The following LAPTM4B variants were observed in gnomAD, a reference collection of about 807,000 sequenced individuals.
LAPTM4B encodes lysosomal-associated transmembrane protein 4B.
In LAPTM4B, 26 loss-of-function variants were observed where a neutral mutation model predicts 28.5. That is an observed-to-expected ratio of 0.91 (90% confidence interval 0.67 to 1.27). The LOEUF (loss-of-function observed/expected upper bound fraction) is 1.27. Ranked by LOEUF, LAPTM4B falls within the 50% of genes most tolerant of loss-of-function variation. LAPTM4B has a pLI of 0.00. For synonymous variants in LAPTM4B, 109 were observed against 106.4 expected (o/e 1.02, Z -0.15); for missense variants, 288 against 285.8 (o/e 1.01, Z -0.06).
chr8:97,777,544 CTG>C (rs1391583205), intron 1 of LAPTM4B, among the ~76,000 whole-genome samples: 2 of 152,030 alleles, frequency 1.3e-5, no homozygotes, highest in Non-Finnish European at 2.9e-5. Flanking sequence ...TTTTGTCTAA[CTG>C]TGAACCCCTT....
intron 6 of LAPTM4B, among the ~76,000 whole-genome samples, chr8:97,840,845 C>A (rs1817336339): frequency 7.1e-6 from 1 of 141,032 alleles, no homozygotes; most frequent in Admixed American, 7.0e-5. Flanking sequence ...GGCGGCCGGG[C>A]AGAGGCGCTC....
At chr8:97,810,518 G>A (rs1586330825) in intron 2 of LAPTM4B, among the ~76,000 whole-genome samples, 1 of 152,304 alleles carries the variant, frequency 6.6e-6, no homozygotes, top group South Asian at 2.1e-4. Flanking sequence ...TTTCCTATAT[G>A]TCTAAAATGA....
At chr8:97,837,125 C>T (rs981330733) in intron 6 of LAPTM4B, among the ~76,000 whole-genome samples, 1 of 151,006 alleles carries the variant, frequency 6.6e-6, no homozygotes, top group Non-Finnish European at 1.5e-5. Context: ...GGAGTGGAGT[C>T]AGATTTAGTA....
At chr8:97,779,802 C>A in intron 1 of LAPTM4B, among the ~76,000 whole-genome samples, 1 of 150,704 alleles carries the variant, frequency 6.6e-6, no homozygotes. Flanking sequence ...GCCTATAATC[C>A]CAGCACTTTG....
At chr8:97,776,241 C>A in intron 1 of LAPTM4B, 133 bp downstream of exon 1, 1 of 1,122,810 alleles carries the variant, frequency 8.9e-7, no homozygotes, top group Non-Finnish European at 1.2e-6. Flanking sequence ...CTTAATTCTC[C>A]GGGTGCCGCG....
At chr8:97,805,331 T>TTG in intron 1 of LAPTM4B, 22 bp from the exon 2 acceptor site, 2 of 1,113,756 alleles carry the variant, frequency 1.8e-6, no homozygotes, top group South Asian at 1.4e-5. Flanking sequence ...ATTCTTTTTT[T>TTG]TTTTTTTTTT....
At chr8:97,846,407 A>G (rs1817435431) in intron 6 of LAPTM4B, among the ~76,000 whole-genome samples, 1 of 150,042 alleles carries the variant, frequency 6.7e-6, no homozygotes, top group African/African-American at 2.5e-5. Flanking sequence ...AGCTCACCAC[A>G]GCCACCGCCT....
chr8:97,827,121 C>T (rs1464786494), intron 6 of LAPTM4B, among the ~76,000 whole-genome samples: 3 of 152,130 alleles, frequency 2.0e-5, no homozygotes, highest in African/African-American at 7.2e-5. Flanking sequence ...AAAGAGGAGG[C>T]GATACATAGG....
chr8:97,788,388 C>T (rs780011281), intron 1 of LAPTM4B: 13 of 287,372 alleles, frequency 4.5e-5, no homozygotes, highest in South Asian at 8.5e-5. Context: ...GCACACACCA[C>T]GATGGTGGAG....
rs1318843797 is a variant in LAPTM4B, at chr8:97,819,156, A to G, written c.425A>G (p.Tyr142Cys). The change falls in exon 5 of 7, where the codon TAC becomes TGC. Residue 142 changes from tyrosine (Y) to cysteine (C), a missense_variant. Transcript: ENST00000521545. ...CTTTTGCAGCCTCCTAATTTTCCCT[A>G]CAGAGATGATGTCATGTCAGTGAAT... ...YIRQLPPNFP[Y>C]RDDVMSVNPT... The G allele has an allele frequency of 4.4e-6, 7 of 1,606,172 alleles. No homozygotes were observed. The South Asian group carries it at 5.5e-5, about 13-fold the overall frequency.
rs761128251 is a variant in LAPTM4B, at chr8:97,805,426, C to T, written c.173C>T (p.Ser58Phe). Reference sequence around the variant, plus strand: ...CCGGATCAGTATAACTTTTCAAGTTCTGAACTGGGAGGTGACTTTGAGTTC... The same window carrying T: ...CCGGATCAGTATAACTTTTCAAGTTTTGAACTGGGAGGTGACTTTGAGTTC... The part of the protein sequence containing the change: ...ADPDQYNFSS[S>F]ELGGDFEFMD... Residue 58 changes from serine (S) to phenylalanine (F), a missense_variant, in exon 2 of 7, where the codon TCT (serine) becomes TTT (phenylalanine). Physicochemically the swap from Ser to Phe is radical, Grantham distance 155. Coordinates refer to ENST00000521545, the MANE Select transcript of LAPTM4B (RefSeq NM_018407.6). The T allele has an allele frequency of 6.3e-7, 1 of 1,596,442 alleles. No homozygotes were observed. The highest frequency in any genetic ancestry group is 1.1e-5 in the South Asian group (1 of 90,660).
chr8:97,845,299 G>T (rs1817410546), intron 6 of LAPTM4B, among the ~76,000 whole-genome samples: 1 of 150,544 alleles, frequency 6.6e-6, no homozygotes, highest in Non-Finnish European at 1.5e-5. Context: ...TACAACTCTT[G>T]ATTTTCCCAA....
At chr8:97,839,038 A>G (rs746985861) in intron 6 of LAPTM4B, among the ~76,000 whole-genome samples, 2 of 152,202 alleles carry the variant, frequency 1.3e-5, no homozygotes, top group Admixed American at 6.6e-5. Flanking sequence ...CCAATATCAA[A>G]GCATCATGGG....
At chr8:97,820,916 C>T (rs112301876) in intron 5 of LAPTM4B, among the ~76,000 whole-genome samples, 8 of 151,764 alleles carry the variant, frequency 5.3e-5, no homozygotes, top group African/African-American at 9.7e-5. Context: ...TTAGTAGAGA[C>T]GGGTTTCACC....
At chr8:97,826,877 TAAAAC>T (rs1381578506) in intron 6 of LAPTM4B, among the ~76,000 whole-genome samples, 3 of 152,310 alleles carry the variant, frequency 2.0e-5, no homozygotes, top group South Asian at 4.1e-4. Context: ...TTCTTTTTCT[TAAAAC>T]AAATAAAAAG....
At chr8:97,836,987 A>G (rs1252361670) in intron 6 of LAPTM4B, among the ~76,000 whole-genome samples, 1 of 152,056 alleles carries the variant, frequency 6.6e-6, no homozygotes, top group Non-Finnish European at 1.5e-5. Flanking sequence ...TGACTGGGGC[A>G]AAGGCCAGAT....
chr8:97,811,442 T>C (rs1189363926), intron 2 of LAPTM4B, among the ~76,000 whole-genome samples: 1 of 152,206 alleles, frequency 6.6e-6, no homozygotes, highest in Non-Finnish European at 1.5e-5. Context: ...TGAAATGATA[T>C]AAGCAAAATG....
intron 1 of LAPTM4B, among the ~76,000 whole-genome samples, chr8:97,777,918 C>G (rs972516009): frequency 6.6e-6 from 1 of 152,134 alleles, no homozygotes; most frequent in African/African-American, 2.4e-5. Context: ...TCAAATCTGC[C>G]GACTTGCAAG....
intron 1 of LAPTM4B, among the ~76,000 whole-genome samples, chr8:97,798,924 ATCGACG>A (rs1232754234): frequency 1.3e-5 from 2 of 152,190 alleles, no homozygotes; most frequent in African/African-American, 4.8e-5. Flanking sequence ...TGTATCTAAA[ATCGACG>A]TCGTCATAGT....
Sources: gnomAD v4.1 joint callset for allele counts (sites outside exome capture counted in the v4.1 genomes callset) on GRCh38, gnomAD v4.1.1 for gene constraint, MANE v1.5 for transcripts, NCBI Gene and HGNC (gene_info 2026-07-23, HGNC 2026-07-21) for gene names.